Variants in SNED1 observed in about 807,000 individuals in gnomAD.
The protein encoded by SNED1 is sushi, nidogen and EGF like domains 1.
SNED1 carries 81 observed loss-of-function variants against 166.7 expected under a neutral mutation model. The observed-to-expected ratio is 0.49, with a 90% CI of 0.41 to 0.58. SNED1 has a LOEUF of 0.58. Ranked by LOEUF, SNED1 falls within the 20% of genes least tolerant of loss-of-function variation. The pLI, the probability that SNED1 is intolerant of heterozygous loss-of-function variation, is 0.00. For synonymous variants in SNED1, 762 were observed against 822.0 expected (o/e 0.93, Z 1.25); for missense variants, 1,604 against 2,000.2 (o/e 0.80, Z 3.78).
intron 27 of SNED1, among the ~76,000 whole-genome samples, chr2:241,079,273 G>A (rs1409457871): frequency 4.7e-5 from 7 of 149,226 alleles, no homozygotes; most frequent in Admixed American, 1.3e-4. Context: ...TTAGCCGGGC[G>A]CAGTGGCAGG....
Position 241,087,358 on chromosome 2 carries a change from T to C in SNED1, c.4122-34T>C, listed in dbSNP as rs370177685. ...AGCAGTTGGCAACATTTTGCTTCACTGTCTGGTTTTACAAAGCTTTCTTGT... is the reference window on the plus strand; with the variant it reads ...AGCAGTTGGCAACATTTTGCTTCACCGTCTGGTTTTACAAAGCTTTCTTGT... On this transcript the variant is annotated intron_variant, in intron 29 of 31. Coordinates refer to ENST00000310397, the MANE Select transcript of SNED1 (RefSeq NM_001080437.3). 108 of 1,562,548 alleles carry C rather than the reference T, an allele frequency of 6.9e-5. No homozygotes were observed. The African/African-American group carries it at 1.4e-3, about 20-fold the overall frequency.
intron 27 of SNED1, among the ~76,000 whole-genome samples, chr2:241,080,840 T>A (rs2063293183): frequency 6.6e-6 from 1 of 152,234 alleles, no homozygotes; most frequent in African/African-American, 2.4e-5. Context: ...CACGCTGCCG[T>A]GCCTGTGTGG....
rs368927974 is a variant in SNED1 at position 241,071,173 on chromosome 2, G to A, written c.3590-403G>A. Among the ~76,000 whole-genome samples, 21 of 152,256 alleles carry A rather than the reference G, an allele frequency of 1.4e-4. 1 individual carries two copies. The highest frequency in any genetic ancestry group is 9.7e-4 in the East Asian group (5 of 5,152). ...CTCTCAGGGCACATGCTGGGGTGGG[G>A]ACTCCCAGCTGAAGCGTCCCATCAG... On this transcript the variant is annotated intron_variant, in intron 24 of 31. Coordinates refer to ENST00000310397, the MANE Select transcript of SNED1 (RefSeq NM_001080437.3).
At chr2:241,002,367 C>G (rs1339979826) in intron 1 of SNED1, among the ~76,000 whole-genome samples, 3 of 152,230 alleles carry the variant, frequency 2.0e-5, no homozygotes, top group Non-Finnish European at 2.9e-5. Flanking sequence ...AACACCCCAG[C>G]AAATGCAGGA....
chr2:241,082,277 C>G lies in SNED1; in HGVS notation c.4034C>G (p.Ala1345Gly). 6.2e-7 allele frequency: 1 copy of G among 1,603,166 alleles called. No homozygotes were observed. The highest frequency in any genetic ancestry group is 1.1e-5 in the South Asian group (1 of 90,754). The change falls in exon 29 of 32, where the codon GCC becomes GGC. Residue 1345 changes from alanine (A) to glycine (G), a missense_variant and splice_region_variant. Physicochemically the swap from Ala to Gly is moderately conservative, Grantham distance 60 (BLOSUM62 0). This residue lies in a region of SNED1 where 367 missense variants were observed against 379.4 expected (regional missense o/e 0.97). Coordinates refer to ENST00000310397, the MANE Select transcript of SNED1 (RefSeq NM_001080437.3). ...PGFKGRRCEL[A>G]CIKVSRPCTR... ...GAGCCACTGCCCTTCTTTGTCGCAG[C>G]CTGTATAAAGGTGTCCCGCCCCTGC...
chr2:241,007,352 C>T (rs955699317), intron 1 of SNED1, among the ~76,000 whole-genome samples: 6 of 152,264 alleles, frequency 3.9e-5, no homozygotes, highest in African/African-American at 1.4e-4. Flanking sequence ...CATTCATTCA[C>T]TGTTGACTTA....
chr2:241,014,685 G>A (rs1015267386), intron 1 of SNED1, among the ~76,000 whole-genome samples: 1 of 152,068 alleles, frequency 6.6e-6, no homozygotes, highest in African/African-American at 2.4e-5. Context: ...TTCTCATTCT[G>A]CACTCGTTTC....
chr2:241,021,038 C>T (rs1199249194), intron 1 of SNED1, among the ~76,000 whole-genome samples: 1 of 152,216 alleles, frequency 6.6e-6, no homozygotes, highest in Non-Finnish European at 1.5e-5. Flanking sequence ...ACTGCAACCC[C>T]CTCGCTTTAA....
intron 1 of SNED1, among the ~76,000 whole-genome samples, chr2:241,023,887 C>CCTTTTTTTTTTTTTTTTTTTTTTT (rs2060847475): frequency 1.4e-5 from 1 of 71,658 alleles, no homozygotes; most frequent in Non-Finnish European, 2.5e-5. Flanking sequence ...CTTTTTTTTT[C>CCTTTTTTTTTTTTTTTTTTTTTTT]CTTTTTTTTT....
At position 241,034,701 on chromosome 2, in the gene SNED1, A is replaced by T. The variant is rs771453999; in HGVS notation, c.776A>T (p.Gln259Leu). Reference sequence around the variant, plus strand: ...TGGGCGTTCAGAATCGATGATGCCCAGGTGCGCGTGGGGGGCTGCGGCCAT... The same window carrying T: ...TGGGCGTTCAGAATCGATGATGCCCTGGTGCGCGTGGGGGGCTGCGGCCAT... ...GRWAFRIDDA[Q>L]VRVGGCGHTT... Residue 259 changes from glutamine (Q) to leucine (L), a missense_variant, in exon 4 of 32, where the codon CAG becomes CTG. By Grantham distance (113) the Gln-to-Leu change is moderately radical. Coordinates refer to ENST00000310397, the MANE Select transcript of SNED1 (RefSeq NM_001080437.3). The T allele has an allele frequency of 6.3e-7, 1 of 1,591,836 alleles. No homozygotes were observed. The highest frequency in any genetic ancestry group is 8.5e-7 in the Non-Finnish European group (1 of 1,169,986).
rs530950406 is a variant in SNED1 at position 241,073,693 on chromosome 2, C to T, written c.3916+329C>T. ...GCAGCAGAGCCCACCCCAGCCCCTG[C>T]CTCTGGGCCCCTCACCCCTCACTTC... On this transcript the variant is annotated intron_variant, in intron 27 of 31. Coordinates refer to ENST00000310397, the MANE Select transcript of SNED1 (RefSeq NM_001080437.3). This position sits in a 1 kb window ranked among gnomAD's most constrained non-coding sequence, Gnocchi z 6.6. The T allele has an allele frequency of 5.4e-5, 25 of 461,366 alleles. No homozygotes were observed. The highest frequency in any genetic ancestry group is 9.2e-5 in the Non-Finnish European group (24 of 260,752). 28.6% of individuals were successfully genotyped at this position (461,366 alleles called of 1,614,324 possible). A position where few individuals can be genotyped will look rare whatever the true frequency, so the allele number is the denominator to read the frequency against.
intron 24 of SNED1, among the ~76,000 whole-genome samples, chr2:241,070,477 G>A (rs962027865): frequency 1.3e-5 from 2 of 152,238 alleles, no homozygotes; most frequent in Non-Finnish European, 2.9e-5. Context: ...CAGACAGGCC[G>A]AGCATCACCT....
At chr2:241,027,915 A>G (rs1157909563) in intron 1 of SNED1, among the ~76,000 whole-genome samples, 1 of 151,908 alleles carries the variant, frequency 6.6e-6, no homozygotes, top group African/African-American at 2.4e-5. Flanking sequence ...TTGTATTTCT[A>G]GTAGAGACAG....
At position 241,053,173 on chromosome 2, in the gene SNED1, G is replaced by C; in HGVS notation, c.2104G>C (p.Glu702Gln). Residue 702 changes from glutamate (E) to glutamine (Q), a missense_variant, in exon 16 of 32, where the codon GAG becomes CAG. Transcript: ENST00000310397. Reference sequence around the variant, plus strand: ...TGCAGAGGTGGACTGCGGCCCCCCGGAGGAGGTGAAGCACGCCACACTGCG... The same window carrying C: ...TGCAGAGGTGGACTGCGGCCCCCCGCAGGAGGTGAAGCACGCCACACTGCG... Reference protein sequence around the residue: ...CQAEVDCGPPEEVKHATLRFN... With the variant: ...CQAEVDCGPPQEVKHATLRFN... 6.2e-7 allele frequency: 1 copy of C among 1,610,916 alleles called. No individual in the cohort carries two copies.
chr2:241,061,859 A>G (rs1199687689), intron 16 of SNED1, among the ~76,000 whole-genome samples: 6 of 151,806 alleles, frequency 4.0e-5, no homozygotes, highest in Admixed American at 1.3e-4. Flanking sequence ...CCCCCCAAAA[A>G]AAAAAAAAGA....
intron 3 of SNED1, among the ~76,000 whole-genome samples, chr2:241,034,147 T>C (rs923176264): frequency 6.6e-6 from 1 of 152,186 alleles, no homozygotes; most frequent in African/African-American, 2.4e-5. Context: ...AGAAATGTCC[T>C]CTGCTCCTTG....
chr2:241,033,839 G>C lies in SNED1; in HGVS notation c.606G>C (p.Gly202=). 6.2e-7 allele frequency: 1 copy of C among 1,608,692 alleles called. No individual in the cohort carries two copies. Among genetic ancestry groups the C allele is most frequent in the Non-Finnish European group, 8.5e-7 (1 of 1,178,304 alleles). The change falls in exon 3 of 32, where the codon GGG becomes GGC. Residue 202 remains glycine, a synonymous_variant. Coordinates refer to ENST00000310397, the MANE Select transcript of SNED1 (RefSeq NM_001080437.3). ...VWTTGTHASS[G]GNATGLGGIA... ...CCACAGGCACACACGCCAGCAGCGGGGGCAACGCCACTGGCCTCGGGGGCA... is the reference window on the plus strand; with the variant it reads ...CCACAGGCACACACGCCAGCAGCGGCGGCAACGCCACTGGCCTCGGGGGCA...
chr2:240,999,054 A>T lies in SNED1; in HGVS notation c.213+4A>T. On this transcript the variant is annotated splice_donor_region_variant and intron_variant, in intron 1 of 31. Transcript: ENST00000310397. This position sits in a 1 kb window ranked among gnomAD's most constrained non-coding sequence, Gnocchi z 5.8. ...TGCCGAGCACTCCGGACTCTACGTG[A>T]GTAACCCCCGGGCTCGCGGGGCGCC... 7.7e-7 allele frequency: 1 copy of T among 1,299,888 alleles called. No homozygotes were observed. Among genetic ancestry groups the T allele is most frequent in the Non-Finnish European group, 9.8e-7 (1 of 1,020,108 alleles). 80.5% of individuals were successfully genotyped at this position (1,299,888 alleles called of 1,614,324 possible).
chr2:241,031,083 G>T (rs1238807540), intron 2 of SNED1, among the ~76,000 whole-genome samples: 1 of 152,198 alleles, frequency 6.6e-6, no homozygotes, highest in East Asian at 1.9e-4. Flanking sequence ...TCATGACTGT[G>T]CAAGACAGAC....
Sources: gnomAD v4.1 joint callset for allele counts (sites outside exome capture counted in the v4.1 genomes callset) on GRCh38, gnomAD v4.1.1 for gene constraint, gnomAD v4.1.1 regional missense constraint, Gnocchi (gnomAD v3.1) non-coding constraint, MANE v1.5 for transcripts, NCBI Gene and HGNC (gene_info 2026-07-23, HGNC 2026-07-21) for gene names.